MOXD1: variants seen among roughly 807,000 people sequenced by gnomAD.
The protein encoded by MOXD1 is monooxygenase DBH like 1.
Under a neutral mutation model 66.6 loss-of-function variants are expected in MOXD1, and 62 were observed. The observed-to-expected ratio is 0.93, with a 90% CI of 0.76 to 1.15. The LOEUF (loss-of-function observed/expected upper bound fraction) is 1.15. MOXD1 is among the 50% of genes most tolerant of loss of function. The pLI is 0.00. For synonymous variants in MOXD1, 303 were observed against 281.9 expected, an observed-to-expected ratio of 1.07 and a Z score of -0.75; for missense variants, 847 against 754.6, an observed-to-expected ratio of 1.12 and a Z score of -1.44.
chr6:132,396,373 C>G (rs1281405239), intron 1 of MOXD1, among the ~76,000 whole-genome samples: 2 of 151,704 alleles, frequency 1.3e-5, no homozygotes, highest in Admixed American at 6.6e-5. Context: ...CTATAGGGTA[C>G]AGTAAAAGCA....
chr6:132,351,894 T>C (rs908484087), intron 4 of MOXD1, among the ~76,000 whole-genome samples: 5 of 152,198 alleles, frequency 3.3e-5, no homozygotes, highest in African/African-American at 1.2e-4. Flanking sequence ...ATCCATCTCT[T>C]CTAGGTTTTC....
intron 1 of MOXD1, among the ~76,000 whole-genome samples, chr6:132,393,151 A>AGTGTGTGTGTGTGT (rs60580838): frequency 7.3e-5 from 11 of 150,752 alleles, no homozygotes; most frequent in African/African-American, 2.2e-4. Flanking sequence ...GAGTGGAGTG[A>AGTGTGTGTGTGTGT]GTGTGTGTGT....
At position 132,390,176 on chromosome 6, in the gene MOXD1, T is replaced by C. The variant is rs149794166; in HGVS notation, c.264+10987A>G. 7.0e-3 allele frequency among the ~76,000 whole-genome samples: 1,062 copies of C among 151,678 alleles called. 31 individuals carry two copies. Among genetic ancestry groups the C allele is most frequent in the Non-Finnish European group, 8.0e-3 (540 of 67,748 alleles). ...CCACAGAAATAGAAAAGAGAGCTCA[T>C]GCGGTTCAGACACATTTGAAAAAAA... On this transcript the variant is annotated intron_variant, in intron 1 of 11. Coordinates refer to ENST00000367963, the MANE Select transcript of MOXD1 (RefSeq NM_015529.4).
intron 4 of MOXD1, among the ~76,000 whole-genome samples, chr6:132,364,594 C>T (rs1267949862): frequency 6.6e-6 from 1 of 152,186 alleles, no homozygotes; most frequent in African/African-American, 2.4e-5. Context: ...TTCTTGTACA[C>T]TGCACCAACT....
intron 4 of MOXD1, among the ~76,000 whole-genome samples, chr6:132,358,955 A>G (rs1280994168): frequency 6.6e-6 from 1 of 152,216 alleles, no homozygotes; most frequent in African/African-American, 2.4e-5. Flanking sequence ...AAACCCACAT[A>G]TATCACATAC....
At chr6:132,354,791 G>A (rs985835128) in intron 4 of MOXD1, among the ~76,000 whole-genome samples, 4 of 152,130 alleles carry the variant, frequency 2.6e-5, no homozygotes, top group Non-Finnish European at 5.9e-5. Flanking sequence ...AGGGCTAGGT[G>A]TGTCTGAGCT....
intron 4 of MOXD1, among the ~76,000 whole-genome samples, chr6:132,339,417 C>T (rs1220638255): frequency 6.6e-6 from 1 of 152,232 alleles, no homozygotes; most frequent in Non-Finnish European, 1.5e-5. Context: ...ATACTATGTG[C>T]TCTTCGTTAG....
chr6:132,303,855 A>T lies in MOXD1; in HGVS notation c.1509-5900T>A, dbSNP rs1283360140. Among the ~76,000 whole-genome samples, 4 of 70,440 alleles carry T rather than the reference A, an allele frequency of 5.7e-5. 1 individual carries two copies. The East Asian group carries it at 2.7e-3, about 48-fold the overall frequency. The allele number at this position is 70,440 out of a possible 152,430, so 46.2% of individuals were successfully genotyped here. A position where few individuals can be genotyped will look rare whatever the true frequency, so the allele number is the denominator to read the frequency against. Reference sequence around the variant, plus strand: ...TGTGTGTATATATATATATATATATATATATATATATATATATATATATAC... The same window carrying T: ...TGTGTGTATATATATATATATATATTTATATATATATATATATATATATAC... On this transcript the variant is annotated intron_variant, in intron 10 of 11. Transcript: ENST00000367963.
rs1222176119 is a variant in MOXD1 at position 132,322,714 on chromosome 6, A to G, written c.1270T>C (p.Phe424Leu). Reference protein sequence around the residue: ...DDDFDFNFQEFQYLKEEQTIL... With the variant: ...DDDFDFNFQELQYLKEEQTIL... ...GTTTGTTCTTCCTTTAGATACTGAA[A>G]CTCCTGGAAATTGAAGTCAAAATCA... The change falls in exon 8 of 12, where the codon TTT becomes CTT. Residue 424 changes from phenylalanine to leucine, a missense_variant. Phe to Leu is a conservative substitution (Grantham distance 22). Transcript: ENST00000367963. 3 of 1,613,766 alleles carry G rather than the reference A, an allele frequency of 1.9e-6. No individual in the cohort carries two copies. The highest frequency in any genetic ancestry group is 2.2e-5 in the East Asian group (1 of 44,878).
chr6:132,354,842 G>C (rs1205572689), intron 4 of MOXD1, among the ~76,000 whole-genome samples: 1 of 152,124 alleles, frequency 6.6e-6, no homozygotes, highest in South Asian at 2.1e-4. Flanking sequence ...CTGCTGTGGG[G>C]AATGGGGGTG....
At chr6:132,350,814 T>C (rs1775786206) in intron 4 of MOXD1, among the ~76,000 whole-genome samples, 1 of 152,172 alleles carries the variant, frequency 6.6e-6, no homozygotes, top group Non-Finnish European at 1.5e-5. Context: ...CAGTGTTTTG[T>C]AGCTTTCCTT....
At chr6:132,397,687 AAAGAAAG>A (rs745735920) in intron 1 of MOXD1, among the ~76,000 whole-genome samples, 3,185 of 139,642 alleles carry the variant, frequency 0.023, 47 homozygotes, top group Middle Eastern at 0.034. Flanking sequence ...AGAAAGAAAG[AAAGAAAG>A]AAAGAAAAAG....
chr6:132,318,184 A>T (rs921180432), intron 9 of MOXD1, among the ~76,000 whole-genome samples: 1 of 152,010 alleles, frequency 6.6e-6, no homozygotes, highest in Non-Finnish European at 1.5e-5. Context: ...TTCTCTCCTG[A>T]AACACATTCT....
intron 1 of MOXD1, among the ~76,000 whole-genome samples, chr6:132,379,211 A>G (rs947127691): frequency 6.6e-6 from 1 of 152,160 alleles, no homozygotes; most frequent in Non-Finnish European, 1.5e-5. Context: ...TCTTAACATT[A>G]GAAAATCAAT....
intron 1 of MOXD1, among the ~76,000 whole-genome samples, chr6:132,399,856 G>C (rs910263374): frequency 2.0e-5 from 3 of 152,182 alleles, no homozygotes; most frequent in African/African-American, 7.2e-5. Flanking sequence ...TTCCCCTAGT[G>C]AGGCCTGCAT....
At chr6:132,371,679 G>C (rs1392299697) in intron 4 of MOXD1, among the ~76,000 whole-genome samples, 1 of 152,110 alleles carries the variant, frequency 6.6e-6, no homozygotes, top group Non-Finnish European at 1.5e-5. Flanking sequence ...ACCCCAGAGT[G>C]ACTTACCTGA....
In MOXD1 at chr6:132,372,997, C is replaced by T. The variant is rs780730372; in HGVS notation, c.412G>A (p.Asp138Asn). 1 of 1,610,244 alleles carries T rather than the reference C, an allele frequency of 6.2e-7. No individual in the cohort carries two copies. The highest frequency in any genetic ancestry group is 1.7e-5 in the Admixed American group (1 of 59,702). The change falls in exon 3 of 12, where the codon GAT (aspartate) becomes AAT (asparagine). Residue 138 changes from aspartate to asparagine, a missense_variant and splice_region_variant. Transcript: ENST00000367963. ...TCDINDKSIT[D>N]STVRVIWAYH... is the part of the protein sequence containing the mutation. ...GCCCAGATCACTCTCACAGTGCTAT[C>T]CTGGGGATCAGACATGGGCATGATT... is the stretch of plus-strand genomic sequence containing the variant.
At chr6:132,392,980 C>G (rs1020312228) in intron 1 of MOXD1, among the ~76,000 whole-genome samples, 6 of 152,232 alleles carry the variant, frequency 3.9e-5, no homozygotes, top group African/African-American at 1.4e-4. Context: ...AAATGTCACA[C>G]TGCCCTCTGG....
chr6:132,323,679 C>T (rs571932249), intron 7 of MOXD1, among the ~76,000 whole-genome samples: 3 of 152,134 alleles, frequency 2.0e-5, no homozygotes, highest in African/African-American at 7.2e-5. Flanking sequence ...CAGCATGCAA[C>T]ATGCAACAAA....
Sources: gnomAD v4.1 joint callset for allele counts (sites outside exome capture counted in the v4.1 genomes callset) on GRCh38, gnomAD v4.1.1 for gene constraint, MANE v1.5 for transcripts, NCBI Gene and HGNC (gene_info 2026-07-23, HGNC 2026-07-21) for gene names.